The following RANBP17 variants were observed in gnomAD, a reference collection of about 807,000 sequenced individuals.
RANBP17 encodes ran-binding protein 17.
Under a neutral mutation model 141.2 loss-of-function variants are expected in RANBP17, and 158 were observed. That is an observed-to-expected ratio of 1.12 (90% CI 0.98 to 1.28). The LOEUF is 1.28. Among genes scored for constraint, RANBP17 ranks in the 50% most tolerant of loss-of-function variants. The pLI is 0.00. For missense variants in RANBP17, 1,438 were observed against 1,290.7 expected (o/e 1.11, Z -1.75); for synonymous variants, 430 against 450.0 (o/e 0.96, Z 0.56).
chr5:171,246,584 T>C (rs1242610161), intron 24 of RANBP17, among the ~76,000 whole-genome samples: 2 of 152,254 alleles, frequency 1.3e-5, no homozygotes, highest in Non-Finnish European at 2.9e-5. Flanking sequence ...TTCTGTCTTC[T>C]ATTATTACAG....
At chr5:171,190,246 C>A (rs530665830) in intron 18 of RANBP17, among the ~76,000 whole-genome samples, 1 of 152,262 alleles carries the variant, frequency 6.6e-6, no homozygotes, top group Admixed American at 6.5e-5. Flanking sequence ...GGTTTCTACT[C>A]AGTGATTTGC....
intron 14 of RANBP17, among the ~76,000 whole-genome samples, chr5:171,025,032 A>T (rs925657570): frequency 6.6e-6 from 1 of 152,162 alleles, no homozygotes; most frequent in Non-Finnish European, 1.5e-5. Flanking sequence ...AATGGCATCT[A>T]TTGCTTATGT....
At chr5:171,262,842 G>A (rs914807481) in intron 24 of RANBP17, among the ~76,000 whole-genome samples, 44 of 152,048 alleles carry the variant, frequency 2.9e-4, no homozygotes, top group Non-Finnish European at 4.0e-4. Context: ...TATGGTCCAC[G>A]GCTGTCTTCT....
chr5:171,280,644 G>T (rs1039014189), intron 25 of RANBP17, among the ~76,000 whole-genome samples: 2 of 152,208 alleles, frequency 1.3e-5, no homozygotes, highest in African/African-American at 2.4e-5. Context: ...TGTTGAGGAA[G>T]ACTCCTTGTT....
At chr5:171,275,605 G>T (rs1422820603) in intron 25 of RANBP17, among the ~76,000 whole-genome samples, 1 of 152,100 alleles carries the variant, frequency 6.6e-6, no homozygotes, top group Non-Finnish European at 1.5e-5. Context: ...TGTATGATTT[G>T]AAGAGTTTGA....
intron 18 of RANBP17, among the ~76,000 whole-genome samples, chr5:171,198,284 C>G (rs1762094373): frequency 6.6e-6 from 1 of 152,218 alleles, no homozygotes; most frequent in African/African-American, 2.4e-5. Context: ...ACTCTTTACT[C>G]AGGATACTGA....
intron 7 of RANBP17, among the ~76,000 whole-genome samples, chr5:170,912,761 TAGAA>T (rs1482088665): frequency 1.3e-5 from 2 of 151,910 alleles, no homozygotes; most frequent in Non-Finnish European, 2.9e-5. Context: ...TTAGGAGTTC[TAGAA>T]AGAGAGGATG....
At chr5:171,057,193 G>C (rs1783451428) in intron 14 of RANBP17, among the ~76,000 whole-genome samples, 1 of 152,084 alleles carries the variant, frequency 6.6e-6, no homozygotes. Context: ...TGGAAAAACT[G>C]AGTACCACTT....
chr5:171,041,044 C>T (rs1015321889), intron 14 of RANBP17, among the ~76,000 whole-genome samples: 5 of 151,978 alleles, frequency 3.3e-5, no homozygotes, highest in African/African-American at 7.2e-5. Flanking sequence ...GGCTTGCTCA[C>T]GTAACTGTTA....
Position 171,251,898 on chromosome 5 carries a change from A to C in RANBP17, c.2776+9078A>C. ...CGGCATTAGAGAAGGAGATTGGTCC[A>C]GAACAGTTTCCAGTGAATGAGCACT... On this transcript the variant is annotated intron_variant, in intron 24 of 27. Transcript: ENST00000523189. 1.9e-6 allele frequency: 3 copies of C among 1,562,662 alleles called. No individual in the cohort carries two copies. The East Asian group carries it at 6.7e-5, about 35-fold the overall frequency.
At chr5:170,929,875 G>A (rs1455772985) in intron 12 of RANBP17, among the ~76,000 whole-genome samples, 1 of 152,098 alleles carries the variant, frequency 6.6e-6, no homozygotes, top group Admixed American at 6.5e-5. Flanking sequence ...TCTTTAATCA[G>A]CATAGAACTA....
At chr5:170,985,120 T>G (rs949917932) in intron 14 of RANBP17, among the ~76,000 whole-genome samples, 1 of 149,638 alleles carries the variant, frequency 6.7e-6, no homozygotes, top group Non-Finnish European at 1.5e-5. Flanking sequence ...CACAAACACA[T>G]ACATACACAA....
intron 14 of RANBP17, among the ~76,000 whole-genome samples, chr5:171,071,690 A>C (rs1784644858): frequency 1.3e-5 from 2 of 148,422 alleles, no homozygotes; most frequent in African/African-American, 4.9e-5. Flanking sequence ...TCAATACGTC[A>C]ACATGTACCA....
intron 14 of RANBP17, among the ~76,000 whole-genome samples, chr5:171,066,650 CA>C (rs1350727491): frequency 6.6e-6 from 1 of 152,172 alleles, no homozygotes; most frequent in East Asian, 1.9e-4. Context: ...GATATTTCTT[CA>C]ACATACCTAT....
At chr5:171,207,464 A>T (rs1762642939) in intron 20 of RANBP17, 1 of 152,258 alleles carries the variant, frequency 6.6e-6, no homozygotes, top group South Asian at 2.1e-4. Context: ...TTCTGAAATG[A>T]AACTTTTGTC....
intron 14 of RANBP17, among the ~76,000 whole-genome samples, chr5:171,036,687 G>A (rs1037529969): frequency 2.0e-5 from 3 of 151,570 alleles, no homozygotes; most frequent in Non-Finnish European, 4.4e-5. Context: ...ATAACATGTG[G>A]TATTTGTTTT....
chr5:171,164,390 A>C (rs1426739476), intron 14 of RANBP17, among the ~76,000 whole-genome samples: 1 of 152,174 alleles, frequency 6.6e-6, no homozygotes, highest in African/African-American at 2.4e-5. Flanking sequence ...ACAACTCAAA[A>C]TTATGTTGCT....
At chr5:170,884,435 A>G (rs1001813651) in intron 3 of RANBP17, among the ~76,000 whole-genome samples, 8 of 152,212 alleles carry the variant, frequency 5.3e-5, no homozygotes, top group African/African-American at 1.7e-4. Flanking sequence ...TGAATAAGCT[A>G]GAGAAAAGAA....
chr5:170,917,367 G>A (rs1561887885), intron 9 of RANBP17, among the ~76,000 whole-genome samples: 1 of 152,120 alleles, frequency 6.6e-6, no homozygotes, highest in Admixed American at 6.5e-5. Context: ...GAGCTTCATT[G>A]CCAATATTCA....
Sources: allele counts gnomAD v4.1 joint callset (sites outside exome capture counted in the v4.1 genomes callset), GRCh38; gene constraint gnomAD v4.1.1; transcripts MANE v1.5; gene names NCBI Gene and HGNC (gene_info 2026-07-23, HGNC 2026-07-21).